DOK5: variants seen among roughly 807,000 people sequenced by gnomAD.
DOK5 encodes the protein docking protein 5, also known as downstream of tyrosine kinase 5.
A neutral mutation model predicts 43.3 loss-of-function variants in DOK5; 27 were observed. The ratio of observed to expected loss-of-function variants is 0.62; its 90% CI spans 0.46 to 0.86. The LOEUF is 0.86. Ranked by LOEUF, DOK5 falls within the 40% of genes least tolerant of loss-of-function variation. DOK5 has a pLI of 0.00. For missense variants in DOK5, 373 were observed against 392.9 expected (o/e 0.95, Z 0.43); for synonymous variants, 146 against 140.1 (o/e 1.04, Z -0.30).
intron 1 of DOK5, among the ~76,000 whole-genome samples, chr20:54,532,560 CTGGAGGTGGGTATATCTTCACAGCT>C (rs1343186685): frequency 6.6e-6 from 1 of 152,232 alleles, no homozygotes; most frequent in East Asian, 1.9e-4. Context: ...GTGTGGGAGG[CTGGAGGTGGGTATATCTTCACAGCT>C]TGGCACAAGT....
At chr20:54,547,299 C>A (rs779406461) in intron 1 of DOK5, among the ~76,000 whole-genome samples, 5 of 152,188 alleles carry the variant, frequency 3.3e-5, no homozygotes, top group Non-Finnish European at 7.3e-5. Flanking sequence ...AGTTTGCCAA[C>A]TCCTGTGGTA....
At chr20:54,650,316 C>A in intron 7 of DOK5, 99 bp from the exon 8 acceptor site, 3 of 1,196,234 alleles carry the variant, frequency 2.5e-6, no homozygotes, top group South Asian at 1.4e-5. Context: ...GCCTTAAGTA[C>A]ATTTACTTAT....
intron 1 of DOK5, among the ~76,000 whole-genome samples, chr20:54,480,178 C>T (rs772041051): frequency 1.3e-5 from 2 of 152,150 alleles, no homozygotes; most frequent in African/African-American, 2.4e-5. Context: ...AGAGCAACTC[C>T]ATCTTGAATA....
Position 54,553,357 on chromosome 20 carries a change from G to A in DOK5, c.67-1576G>A, listed in dbSNP as rs528400566. 6.2e-4 allele frequency among the ~76,000 whole-genome samples: 95 copies of A among 152,088 alleles called. 3 individuals carry two copies. In the South Asian group the frequency reaches 0.013, roughly 21 times the overall value. ...ACGGCAGGTGCCCGCCACCATGCCC[G>A]GCTAACTTTTTGTATGTTTAGTACA... On this transcript the variant is annotated intron_variant, in intron 1 of 7. Transcript: ENST00000262593.
At chr20:54,643,681 C>A in intron 7 of DOK5, 103 bp downstream of exon 7, 2 of 1,436,502 alleles carry the variant, frequency 1.4e-6, no homozygotes, top group South Asian at 1.4e-5. Flanking sequence ...CTGGTTAGTG[C>A]CCTTCCTCCA....
intron 6 of DOK5, among the ~76,000 whole-genome samples, chr20:54,622,923 T>C (rs1656430980): frequency 6.6e-6 from 1 of 152,050 alleles, no homozygotes; most frequent in African/African-American, 2.4e-5. Context: ...GTTTAAAAAC[T>C]CTTAAGATTT....
chr20:54,565,420 C>T (rs985174800), intron 2 of DOK5, among the ~76,000 whole-genome samples: 9 of 152,184 alleles, frequency 5.9e-5, no homozygotes, highest in African/African-American at 2.2e-4. Context: ...GAAACAGAAA[C>T]TATGGACAAG....
chr20:54,595,734 T>C (rs767111194), intron 5 of DOK5, among the ~76,000 whole-genome samples: 1 of 152,226 alleles, frequency 6.6e-6, no homozygotes, highest in Non-Finnish European at 1.5e-5. Flanking sequence ...TGGTGCAAAC[T>C]TGAGATTGAA....
At chr20:54,543,699 A>G (rs1030701505) in intron 1 of DOK5, among the ~76,000 whole-genome samples, 2 of 152,126 alleles carry the variant, frequency 1.3e-5, no homozygotes, top group African/African-American at 4.8e-5. Context: ...GAATGAGTGT[A>G]TATGTATATA....
At chr20:54,509,876 C>T (rs573990374) in intron 1 of DOK5, among the ~76,000 whole-genome samples, 3 of 151,764 alleles carry the variant, frequency 2.0e-5, no homozygotes, top group Non-Finnish European at 2.9e-5. Flanking sequence ...GACTAAAAAC[C>T]ACCCAGTTAC....
chr20:54,627,071 A>G (rs935227450), intron 6 of DOK5, among the ~76,000 whole-genome samples: 22 of 152,316 alleles, frequency 1.4e-4, no homozygotes, highest in Admixed American at 1.2e-3. Context: ...TGATGGCTGC[A>G]TGATATTTCA....
chr20:54,565,806 A>C (rs559601465), intron 2 of DOK5, among the ~76,000 whole-genome samples: 1 of 152,212 alleles, frequency 6.6e-6, no homozygotes, highest in South Asian at 2.1e-4. Flanking sequence ...GCGGATCACG[A>C]GGTCAGGAGA....
intron 5 of DOK5, among the ~76,000 whole-genome samples, chr20:54,604,007 C>T (rs1232189655): frequency 3.8e-5 from 5 of 130,590 alleles, no homozygotes; most frequent in African/African-American, 9.1e-5. Context: ...AGTGCAGTGG[C>T]GCGATCTCGG....
intron 1 of DOK5, among the ~76,000 whole-genome samples, chr20:54,548,801 C>T (rs1984431074): frequency 6.6e-6 from 1 of 152,202 alleles, no homozygotes; most frequent in African/African-American, 2.4e-5. Context: ...CCAAGTAGTT[C>T]CCACATGCTA....
At chr20:54,527,537 G>A (rs889414116) in intron 1 of DOK5, among the ~76,000 whole-genome samples, 3 of 152,140 alleles carry the variant, frequency 2.0e-5, no homozygotes, top group Non-Finnish European at 2.9e-5. Flanking sequence ...CACTATGAGG[G>A]AGGTCAACCC....
At chr20:54,483,224 C>A (rs1029653989) in intron 1 of DOK5, among the ~76,000 whole-genome samples, 1 of 152,220 alleles carries the variant, frequency 6.6e-6, no homozygotes, top group Non-Finnish European at 1.5e-5. Flanking sequence ...ATTGTCCCCA[C>A]ATCTGCCAAT....
At chr20:54,497,139 G>C (rs1163893393) in intron 1 of DOK5, among the ~76,000 whole-genome samples, 1 of 152,142 alleles carries the variant, frequency 6.6e-6, no homozygotes. Context: ...AAATAAAATA[G>C]TTGCTGTAGA....
At chr20:54,500,682 C>T (rs566303022) in intron 1 of DOK5, among the ~76,000 whole-genome samples, 3 of 151,836 alleles carry the variant, frequency 2.0e-5, no homozygotes, top group Admixed American at 1.3e-4. Flanking sequence ...CTGCCTCAGC[C>T]TCCTGAGTAG....
At chr20:54,555,178 C>A (rs1984667882) in intron 2 of DOK5, 138 bp downstream of exon 2, 4 of 615,376 alleles carry the variant, frequency 6.5e-6, no homozygotes. Flanking sequence ...CCTAAAATAA[C>A]ATCTGCTTGC....
Sources: gnomAD v4.1 joint callset for allele counts (sites outside exome capture counted in the v4.1 genomes callset) on GRCh38, gnomAD v4.1.1 for gene constraint, MANE v1.5 for transcripts, NCBI Gene and HGNC (gene_info 2026-07-23, HGNC 2026-07-21) for gene names.